The following UGT1A9 variants were observed in gnomAD, a reference collection of about 807,000 sequenced individuals.
UGT1A9 encodes UDP glucuronosyltransferase family 1 member A9.
A neutral mutation model predicts 45.0 loss-of-function variants in UGT1A9; 35 were observed. That is an observed-to-expected ratio of 0.78 (90% CI 0.59 to 1.03). The LOEUF is 1.03. UGT1A9 is among the 50% of genes least tolerant of loss of function. UGT1A9 has a pLI of 0.00. For missense variants in UGT1A9, 687 were observed against 666.6 expected (o/e 1.03, Z -0.34); for synonymous variants, 278 against 250.6 (o/e 1.11, Z -1.03).
At chr2:233,731,543 TC>T (rs2078176266) in intron 1 of UGT1A9, among the ~76,000 whole-genome samples, 2 of 152,228 alleles carry the variant, frequency 1.3e-5, no homozygotes, top group South Asian at 4.1e-4. Context: ...TGTTTGGTTT[TC>T]TGTCCATGTG....
At position 233,672,779 on chromosome 2, in the gene UGT1A9, C is replaced by T. The variant is rs367751620; in HGVS notation, c.845C>T (p.Pro282Leu). The T allele has an allele frequency of 2.0e-5, 33 of 1,613,374 alleles. No homozygotes were observed. The highest frequency in any genetic ancestry group is 1.3e-4 in the African/African-American group (10 of 75,028). Residue 282 changes from proline to leucine, a missense_variant, in exon 1 of 5, where the codon CCG becomes CTG. Physicochemically the swap from Pro to Leu is moderately conservative, Grantham distance 98 (BLOSUM62 -3). Coordinates refer to ENST00000354728, the MANE Select transcript of UGT1A9 (RefSeq NM_021027.3). ...GGTATCAACTGCCATCAGGGAAAGCCGTTGCCTATGGTAAGTTATCTCTCC... is the reference window on the plus strand; with the variant it reads ...GGTATCAACTGCCATCAGGGAAAGCTGTTGCCTATGGTAAGTTATCTCTCC... Reference protein sequence around the residue: ...IGGINCHQGKPLPMEFEAYIN... With the variant: ...IGGINCHQGKLLPMEFEAYIN...
intron 1 of UGT1A9, chr2:233,693,637 C>T (rs1342546287): frequency 6.2e-7 from 1 of 1,614,222 alleles, no homozygotes. Context: ...GAGTGGCCAA[C>T]TTCCTTGTTA....
At chr2:233,743,484 G>T (rs773869804) in intron 1 of UGT1A9, 2 of 1,367,080 alleles carry the variant, frequency 1.5e-6, no homozygotes, top group Non-Finnish European at 2.0e-6. Flanking sequence ...GAAATTCACT[G>T]AAGGCAGAGA....
At chr2:233,728,109 C>T (rs1053786831) in intron 1 of UGT1A9, among the ~76,000 whole-genome samples, 1 of 152,198 alleles carries the variant, frequency 6.6e-6, no homozygotes, top group African/African-American at 2.4e-5. Flanking sequence ...ATTTAATTCT[C>T]CATCTTGAAA....
rs2077428129 is a variant in UGT1A9 at position 233,725,300 on chromosome 2, AGAGGCAGAGGCAGAGGCG to A, written c.856-41733_856-41716del. 1.1e-4 allele frequency among the ~76,000 whole-genome samples: 8 copies of A among 74,572 alleles called. 3 individuals carry two copies. The South Asian group carries it at 4.5e-3, about 42-fold the overall frequency. 48.9% of individuals were successfully genotyped at this position (74,572 alleles called of 152,430 possible). ...CAGAGGCAGAGGCAGAGGCAGAGGCAGAGGCAGAGGCAGAGGCGCCTGGTCAACAATCTTAAGTCCAAT... is the reference window on the plus strand; with the variant it reads ...CAGAGGCAGAGGCAGAGGCAGAGGCACCTGGTCAACAATCTTAAGTCCAAT... On this transcript the variant is annotated intron_variant, in intron 1 of 4. Transcript: ENST00000354728.
chr2:233,686,769 A>C (rs1014972811), intron 1 of UGT1A9, among the ~76,000 whole-genome samples: 3 of 152,078 alleles, frequency 2.0e-5, no homozygotes, highest in Non-Finnish European at 4.4e-5. Context: ...TATTTTATGC[A>C]ACACTCCAAC....
At chr2:233,743,497 A>C (rs1692318154) in intron 1 of UGT1A9, 1 of 1,367,094 alleles carries the variant, frequency 7.3e-7, no homozygotes, top group Admixed American at 1.9e-5. Context: ...GGCAGAGAAA[A>C]GGGGTGCAGA....
rs180748838 is a variant in UGT1A9, at chr2:233,756,669, G to A, written c.856-10365G>A. ...AACATGGGATGCAGTGATTATTTCC[G>A]CTAGAACTGCTATATAATGACGATG... On this transcript the variant is annotated intron_variant, in intron 1 of 4. Transcript: ENST00000354728. 6.9e-4 allele frequency among the ~76,000 whole-genome samples: 105 copies of A among 152,198 alleles called. No homozygotes were observed. In the South Asian group the frequency reaches 9.1e-3, roughly 13 times the overall value.
At chr2:233,680,388 G>A (rs1487588309) in intron 1 of UGT1A9, among the ~76,000 whole-genome samples, 1 of 152,198 alleles carries the variant, frequency 6.6e-6, no homozygotes, top group Non-Finnish European at 1.5e-5. Context: ...CCCTGCAATA[G>A]CAACAGGAGG....
In UGT1A9 at chr2:233,769,637, G is replaced by T; in HGVS notation, c.1295+1198G>T. On this transcript the variant is annotated intron_variant, in intron 4 of 4. Transcript: ENST00000354728. The surrounding 1 kb of genome is among the most constrained non-coding windows in gnomAD (Gnocchi z 4.4). ...GCTTGAGCAAGGGACAACAGGGGAG[G>T]ACTGATGACTGACTTCCCACCTTTG... is the stretch of plus-strand genomic sequence containing the variant. The T allele has an allele frequency of 1.2e-6, 2 of 1,610,100 alleles. No homozygotes were observed. The highest frequency in any genetic ancestry group is 2.2e-5 in the South Asian group (2 of 90,570).
intron 1 of UGT1A9, among the ~76,000 whole-genome samples, chr2:233,732,105 A>G (rs1386469627): frequency 6.6e-6 from 1 of 151,602 alleles, no homozygotes; most frequent in Admixed American, 6.6e-5. Flanking sequence ...GTCTGTTCAT[A>G]TCCTTTGCCC....
intron 1 of UGT1A9, chr2:233,729,207 G>C (rs6706232): frequency 6.2e-7 from 1 of 1,613,766 alleles, no homozygotes; most frequent in Non-Finnish European, 8.5e-7. Flanking sequence ...CCTGGGCTGA[G>C]AGTGGAAAGG....
At chr2:233,682,226 C>T (rs1262498281) in intron 1 of UGT1A9, 5 of 1,614,078 alleles carry the variant, frequency 3.1e-6, no homozygotes, top group African/African-American at 1.3e-5. Context: ...TGCCGATGCT[C>T]GCTGGACGGC....
intron 1 of UGT1A9, among the ~76,000 whole-genome samples, chr2:233,695,593 C>G (rs1462194089): frequency 1.3e-5 from 2 of 151,798 alleles, no homozygotes; most frequent in Non-Finnish European, 2.9e-5. Flanking sequence ...CCCTTTCCAC[C>G]TTCTGGTAAT....
At chr2:233,771,290 T>C (rs1700276789) in intron 4 of UGT1A9, 1 of 152,250 alleles carries the variant, frequency 6.6e-6, no homozygotes, top group African/African-American at 2.4e-5. Context: ...CCTTTTCTTT[T>C]CTACTTCCTC....
chr2:233,703,957 C>T (rs1010447898), intron 1 of UGT1A9, among the ~76,000 whole-genome samples: 1 of 151,710 alleles, frequency 6.6e-6, no homozygotes, highest in African/African-American at 2.4e-5. Flanking sequence ...GTGGTGTGAT[C>T]TTGGCCCACT....
At chr2:233,701,084 G>A (rs2075609519) in intron 1 of UGT1A9, among the ~76,000 whole-genome samples, 1 of 152,164 alleles carries the variant, frequency 6.6e-6, no homozygotes, top group African/African-American at 2.4e-5. Flanking sequence ...ATTCCATGGT[G>A]TATATGTGCC....
intron 1 of UGT1A9, chr2:233,740,955 A>G (rs1274225683): frequency 1.3e-5 from 2 of 151,640 alleles, no homozygotes; most frequent in Non-Finnish European, 2.9e-5. Flanking sequence ...TAGGTGTGGT[A>G]GCATTTCTGT....
At chr2:233,738,500 C>T (rs1380943528) in intron 1 of UGT1A9, among the ~76,000 whole-genome samples, 1 of 152,068 alleles carries the variant, frequency 6.6e-6, no homozygotes, top group Admixed American at 6.5e-5. Context: ...CGGTTTTGAC[C>T]AAAATGCTGA....
Sources: allele counts gnomAD v4.1 joint callset (sites outside exome capture counted in the v4.1 genomes callset), GRCh38; gene constraint gnomAD v4.1.1; non-coding constraint Gnocchi (gnomAD v3.1); transcripts MANE v1.5; gene names NCBI Gene and HGNC (gene_info 2026-07-23, HGNC 2026-07-21).